The following RBFOX1 variants were observed in gnomAD, a reference collection of about 807,000 sequenced individuals.
RBFOX1 encodes RNA binding protein fox-1 homolog 1.
RBFOX1 carries 8 observed loss-of-function variants against 57.7 expected under a neutral mutation model. The ratio of observed to expected loss-of-function variants is 0.14; its 90% confidence interval spans 0.08 to 0.25. The LOEUF is 0.25. RBFOX1 is among the 10% of genes least tolerant of loss of function. RBFOX1 has a pLI of 1.00. For synonymous variants in RBFOX1, 326 were observed against 222.4 expected, an observed-to-expected ratio of 1.47 and a Z score of -4.15; for missense variants, 611 against 548.5, an observed-to-expected ratio of 1.11 and a Z score of -1.14.
At chr16:7,494,001 C>T (rs2067776970) in intron 4 of RBFOX1, among the ~76,000 whole-genome samples, 1 of 152,124 alleles carries the variant, frequency 6.6e-6, no homozygotes, top group South Asian at 2.1e-4. Flanking sequence ...TAAGCAATGG[C>T]ACCTTTTATT....
At chr16:5,638,936 T>C (rs2048773535) in intron 3 of RBFOX1, among the ~76,000 whole-genome samples, 1 of 152,202 alleles carries the variant, frequency 6.6e-6, no homozygotes, top group Admixed American at 6.5e-5. Context: ...TGTCCCCTGC[T>C]CTGTGATTCC....
At chr16:7,266,737 A>G (rs1341315904) in intron 4 of RBFOX1, among the ~76,000 whole-genome samples, 2 of 152,186 alleles carry the variant, frequency 1.3e-5, no homozygotes, top group Admixed American at 6.5e-5. Flanking sequence ...AGCAAAAAGT[A>G]AGAATTTTTA....
At chr16:7,051,250 A>C (rs1395082746) in intron 3 of RBFOX1, among the ~76,000 whole-genome samples, 1 of 152,104 alleles carries the variant, frequency 6.6e-6, no homozygotes, top group Non-Finnish European at 1.5e-5. Context: ...TATATCTCAA[A>C]ATTCCTTCTA....
intron 4 of RBFOX1, among the ~76,000 whole-genome samples, chr16:5,955,561 T>C (rs2059620537): frequency 6.6e-6 from 1 of 152,072 alleles, no homozygotes; most frequent in African/African-American, 2.4e-5. Flanking sequence ...ACCTACAATA[T>C]GGTAAATATT....
rs538214223 is a variant in RBFOX1 at position 5,504,538 on chromosome 16, G to C, written c.258+37284G>C. 8.5e-5 allele frequency among the ~76,000 whole-genome samples: 13 copies of C among 152,332 alleles called. No homozygotes were observed. In the South Asian group the frequency reaches 2.1e-3, roughly 24 times the overall value. ...CCTCCATTCACAGATAGGCTCTGCT[G>C]ACGCCCTCCACGCGCCTGGTGGGTT... On this transcript the variant is annotated intron_variant, in intron 2 of 2. Transcript: ENST00000585867.
At chr16:7,477,503 C>T (rs760755936) in intron 4 of RBFOX1, among the ~76,000 whole-genome samples, 1 of 152,086 alleles carries the variant, frequency 6.6e-6, no homozygotes, top group African/African-American at 2.4e-5. Context: ...CTCCCTTCTG[C>T]CCCCTGAATA....
At chr16:5,612,435 C>G (rs117596357) in intron 3 of RBFOX1, among the ~76,000 whole-genome samples, 93 of 151,212 alleles carry the variant, frequency 6.2e-4, no homozygotes, top group East Asian at 5.3e-3. Context: ...TAGGACCCCC[C>G]CTCTGTGGGT....
At chr16:6,351,288 AAAT>A (rs1456741050) in intron 2 of RBFOX1, among the ~76,000 whole-genome samples, 1 of 148,272 alleles carries the variant, frequency 6.7e-6, no homozygotes, top group Non-Finnish European at 1.5e-5. Context: ...AATATATATA[AAAT>A]AATATTGTAT....
At chr16:6,709,543 C>T (rs2063361774) in intron 3 of RBFOX1, among the ~76,000 whole-genome samples, 1 of 152,162 alleles carries the variant, frequency 6.6e-6, no homozygotes, top group South Asian at 2.1e-4. Context: ...TCTACTTTTA[C>T]ATTTGTGAAG....
chr16:6,074,923 A>G (rs1046381775), intron 1 of RBFOX1, among the ~76,000 whole-genome samples: 2 of 152,162 alleles, frequency 1.3e-5, no homozygotes, highest in African/African-American at 4.8e-5. Flanking sequence ...CAACATAGCA[A>G]GACACCATCT....
At chr16:7,318,394 G>T (rs566488721) in intron 4 of RBFOX1, among the ~76,000 whole-genome samples, 1 of 152,046 alleles carries the variant, frequency 6.6e-6, no homozygotes, top group Non-Finnish European at 1.5e-5. Flanking sequence ...GGTGATGAGA[G>T]TGATTCTGGT....
intron 1 of RBFOX1, among the ~76,000 whole-genome samples, chr16:5,414,732 C>G (rs1173360431): frequency 6.6e-6 from 1 of 152,126 alleles, no homozygotes; most frequent in East Asian, 1.9e-4. Flanking sequence ...CACCATCAGT[C>G]CAAGCCTAGA....
intron 1 of RBFOX1, among the ~76,000 whole-genome samples, chr16:6,224,759 G>A (rs1216805252): frequency 6.6e-6 from 1 of 152,200 alleles, no homozygotes; most frequent in Admixed American, 6.5e-5. Flanking sequence ...GGTGGCTCAC[G>A]CCCATAATCC....
At chr16:7,594,806 G>A (rs1284125135) in intron 7 of RBFOX1, among the ~76,000 whole-genome samples, 2 of 152,162 alleles carry the variant, frequency 1.3e-5, no homozygotes, top group Admixed American at 6.5e-5. Context: ...TAGGATGGAA[G>A]GTTGTCAAAT....
intron 4 of RBFOX1, among the ~76,000 whole-genome samples, chr16:7,247,133 C>G (rs112327616): frequency 0.011 from 1,635 of 152,212 alleles, 35 homozygotes; most frequent in African/African-American, 0.037. Context: ...TGAGGAGGCT[C>G]AGCTTTGGAG....
chr16:7,312,580 T>G (rs1326688749), intron 4 of RBFOX1, among the ~76,000 whole-genome samples: 1 of 152,178 alleles, frequency 6.6e-6, no homozygotes, highest in Non-Finnish European at 1.5e-5. Context: ...CTACCCTGTT[T>G]GGGAGCTCTT....
Position 7,407,874 on chromosome 16 carries a change from C to T in RBFOX1, c.28-110273C>T, listed in dbSNP as rs902360256. 5.3e-5 allele frequency among the ~76,000 whole-genome samples: 8 copies of T among 152,102 alleles called. No individual in the cohort carries two copies. The East Asian group carries it at 5.8e-4, about 11-fold the overall frequency. ...CCTAATCTGGCCTGCGGACTATTTT[C>T]CTAGACAGAACATTATGGGAACACA... On this transcript the variant is annotated intron_variant, in intron 4 of 15. Transcript: ENST00000550418.
chr16:6,397,265 A>G (rs975005891), intron 2 of RBFOX1, among the ~76,000 whole-genome samples: 1 of 152,230 alleles, frequency 6.6e-6, no homozygotes, highest in Admixed American at 6.5e-5. Context: ...TGATGAAAAT[A>G]AAAGATAAAA....
At chr16:6,151,592 C>G (rs2096798236) in intron 1 of RBFOX1, among the ~76,000 whole-genome samples, 1 of 152,074 alleles carries the variant, frequency 6.6e-6, no homozygotes, top group Admixed American at 6.6e-5. Flanking sequence ...GGCCTATAAT[C>G]AGTCTTTTAT....
Sources: gnomAD v4.1 joint callset for allele counts (sites outside exome capture counted in the v4.1 genomes callset) on GRCh38, gnomAD v4.1.1 for gene constraint, MANE v1.5 for transcripts, NCBI Gene and HGNC (gene_info 2026-07-23, HGNC 2026-07-21) for gene names.